Variants in CSRNP3 observed in about 807,000 individuals in gnomAD.
CSRNP3 encodes the protein cysteine/serine-rich nuclear protein 3.
A neutral mutation model predicts 48.0 loss-of-function variants in CSRNP3; 12 were observed. That is an observed-to-expected ratio of 0.25 (90% CI 0.16 to 0.41). The LOEUF (loss-of-function observed/expected upper bound fraction) is 0.41. CSRNP3 is among the 10% of genes least tolerant of loss of function. The pLI is 1.00. For missense variants in CSRNP3, 580 were observed against 724.4 expected, an observed-to-expected ratio of 0.80 and a Z score of 2.29; for synonymous variants, 263 against 269.7, an observed-to-expected ratio of 0.98 and a Z score of 0.24.
At chr2:165,662,400 CTGAT>C (rs1199615019) in intron 5 of CSRNP3, among the ~76,000 whole-genome samples, 1 of 152,138 alleles carries the variant, frequency 6.6e-6, no homozygotes, top group African/African-American at 2.4e-5. Context: ...ATAGAGAAAA[CTGAT>C]TGAATAAAAT....
At chr2:165,596,585 G>A (rs1685815136) in intron 4 of CSRNP3, among the ~76,000 whole-genome samples, 1 of 152,138 alleles carries the variant, frequency 6.6e-6, no homozygotes, top group African/African-American at 2.4e-5. Context: ...AATTATTATA[G>A]CAGAAAAATT....
Position 165,501,901 on chromosome 2 carries a change from G to A in CSRNP3, c.-113+6973G>A, listed in dbSNP as rs1391123182. ...ATACACTATTGCCAGTCTGAACTAG[G>A]TAACTTCCCAAACTCCTCATATAGT... On this transcript the variant is annotated intron_variant, in intron 2 of 6. Coordinates refer to ENST00000651982, the MANE Select transcript of CSRNP3 (RefSeq NM_001172173.2). Among the ~76,000 whole-genome samples, 3 of 151,946 alleles carry A rather than the reference G, an allele frequency of 2.0e-5. No homozygotes were observed. In the East Asian group the frequency reaches 5.8e-4, roughly 29 times the overall value.
At chr2:165,580,925 A>C (rs1435453773) in intron 3 of CSRNP3, among the ~76,000 whole-genome samples, 3 of 151,398 alleles carry the variant, frequency 2.0e-5, no homozygotes, top group Admixed American at 6.6e-5. Context: ...GCTAAGTACT[A>C]TTCTTTAGTC....
At chr2:165,480,506 T>A (rs1260881511) in intron 1 of CSRNP3, among the ~76,000 whole-genome samples, 1 of 152,126 alleles carries the variant, frequency 6.6e-6, no homozygotes, top group African/African-American at 2.4e-5. Context: ...GTAAGCACTA[T>A]ATGTGTGTTG....
intron 4 of CSRNP3, among the ~76,000 whole-genome samples, chr2:165,641,118 A>G (rs190149957): frequency 3.8e-4 from 58 of 152,320 alleles, no homozygotes; most frequent in South Asian, 8.3e-4. Flanking sequence ...AAACATGCAT[A>G]TCAATATCTT....
chr2:165,487,701 C>T (rs1245611975), intron 1 of CSRNP3, among the ~76,000 whole-genome samples: 27 of 146,984 alleles, frequency 1.8e-4, no homozygotes, highest in African/African-American at 5.9e-4. Context: ...AGCTAAGCTT[C>T]ATAAGTGAAG....
At chr2:165,567,896 T>A (rs1685318930) in intron 3 of CSRNP3, among the ~76,000 whole-genome samples, 1 of 152,090 alleles carries the variant, frequency 6.6e-6, no homozygotes, top group East Asian at 1.9e-4. Context: ...TTTTTCACAA[T>A]GCTGGAAAGT....
At chr2:165,491,181 C>CA (rs1684201849) in intron 1 of CSRNP3, among the ~76,000 whole-genome samples, 1 of 62,634 alleles carries the variant, frequency 1.6e-5, no homozygotes, top group Non-Finnish European at 3.1e-5. Flanking sequence ...TTTATGCAGC[C>CA]AAAAAACACA....
intron 5 of CSRNP3, 27 bp from the exon 6 acceptor site, chr2:165,676,285 C>T: frequency 1.2e-6 from 2 of 1,600,206 alleles, no homozygotes; most frequent in East Asian, 4.5e-5. Context: ...CTTAATGAGT[C>T]TCTTATTTGC....
intron 3 of CSRNP3, among the ~76,000 whole-genome samples, chr2:165,586,745 A>G (rs1558941904): frequency 6.6e-6 from 1 of 152,230 alleles, no homozygotes; most frequent in Non-Finnish European, 1.5e-5. Flanking sequence ...GATAGTAAGA[A>G]CTAAATGAGT....
chr2:165,658,200 A>G (rs1051850867), intron 5 of CSRNP3, among the ~76,000 whole-genome samples, 180 bp downstream of exon 5: 1 of 152,080 alleles, frequency 6.6e-6, no homozygotes, highest in African/African-American at 2.4e-5. Flanking sequence ...TGGGAAACTT[A>G]CCTGACATCA....
chr2:165,607,016 G>A (rs560374659), intron 4 of CSRNP3, among the ~76,000 whole-genome samples: 51 of 152,046 alleles, frequency 3.4e-4, no homozygotes, highest in African/African-American at 1.1e-3. Flanking sequence ...AAATATTAGC[G>A]TCCATAAATA....
chr2:165,643,366 C>T (rs1686757435), intron 4 of CSRNP3, among the ~76,000 whole-genome samples: 1 of 152,164 alleles, frequency 6.6e-6, no homozygotes, highest in South Asian at 2.1e-4. Context: ...AAAGAACAGT[C>T]TTGCTTACTG....
At chr2:165,658,324 A>C (rs1687041418) in intron 5 of CSRNP3, among the ~76,000 whole-genome samples, 1 of 152,184 alleles carries the variant, frequency 6.6e-6, no homozygotes, top group South Asian at 2.1e-4. Context: ...TCTCTATAGG[A>C]ACTTATAGAA....
chr2:165,513,387 T>A lies in CSRNP3; in HGVS notation c.-112-4486T>A, dbSNP rs142305528. ...ATCATTCCCTTTTGACGTATTTGGG[T>A]TGTGATGTGTGCCAGGCTTCCAGAC... is the stretch of plus-strand genomic sequence containing the variant. On this transcript the variant is annotated intron_variant, in intron 2 of 6. Transcript: ENST00000651982. 3.8e-3 allele frequency among the ~76,000 whole-genome samples: 585 copies of A among 152,156 alleles called. 5 individuals are homozygous for A. Among genetic ancestry groups the A allele is most frequent in the African/African-American group, 0.011 (467 of 41,506 alleles).
chr2:165,606,878 G>T (rs1686038250), intron 4 of CSRNP3, among the ~76,000 whole-genome samples: 2 of 152,026 alleles, frequency 1.3e-5, no homozygotes, highest in Non-Finnish European at 2.9e-5. Context: ...CATAGGAAGG[G>T]ATAATACACA....
chr2:165,495,376 C>CTT (rs1684271592), intron 2 of CSRNP3, among the ~76,000 whole-genome samples: 1 of 151,966 alleles, frequency 6.6e-6, no homozygotes, highest in Non-Finnish European at 1.5e-5. Context: ...CCTTGAAAGC[C>CTT]TTGAGATCCT....
chr2:165,509,378 A>G (rs1684469341), intron 2 of CSRNP3, among the ~76,000 whole-genome samples: 2 of 152,178 alleles, frequency 1.3e-5, no homozygotes, highest in African/African-American at 2.4e-5. Flanking sequence ...AAGATGTCAG[A>G]AAAGAGCTTG....
At chr2:165,476,986 G>GA (rs941555135) in intron 1 of CSRNP3, among the ~76,000 whole-genome samples, 10 of 151,762 alleles carry the variant, frequency 6.6e-5, no homozygotes, top group African/African-American at 9.7e-5. Flanking sequence ...GCTAGTGGGT[G>GA]AAAAAAAATC....
Sources: gnomAD v4.1 joint callset for allele counts (sites outside exome capture counted in the v4.1 genomes callset) on GRCh38, gnomAD v4.1.1 for gene constraint, MANE v1.5 for transcripts, NCBI Gene and HGNC (gene_info 2026-07-23, HGNC 2026-07-21) for gene names.